Variants in TBC1D5 observed in about 807,000 individuals in gnomAD.
TBC1D5 encodes TBC1 domain family, member 5.
A neutral mutation model predicts 100.3 loss-of-function variants in TBC1D5; 75 were observed. The ratio of observed to expected loss-of-function variants is 0.75; its 90% CI spans 0.62 to 0.91. The LOEUF is 0.91. TBC1D5 is among the 40% of genes least tolerant of loss of function. TBC1D5 has a pLI of 0.00. For synonymous variants in TBC1D5, 323 were observed against 325.6 expected (o/e 0.99, Z 0.09); for missense variants, 910 against 942.4 (o/e 0.97, Z 0.45).
chr3:17,443,047 A>G (rs547317925), intron 3 of TBC1D5, among the ~76,000 whole-genome samples: 9 of 152,232 alleles, frequency 5.9e-5, no homozygotes, highest in Non-Finnish European at 1.3e-4. Flanking sequence ...TTCAAGACAC[A>G]GTCTAAAATT....
intron 13 of TBC1D5, among the ~76,000 whole-genome samples, chr3:17,310,978 T>C (rs937897512): frequency 2.6e-5 from 4 of 151,954 alleles, no homozygotes; most frequent in Non-Finnish European, 4.4e-5. Context: ...ACACACAAAT[T>C]TCCTGTGCTA....
At chr3:17,603,693 T>C (rs1234184655) in intron 2 of TBC1D5, among the ~76,000 whole-genome samples, 1 of 152,142 alleles carries the variant, frequency 6.6e-6, no homozygotes, top group African/African-American at 2.4e-5. Flanking sequence ...AGGGACCAAG[T>C]CTTGCTTTGT....
At chr3:17,620,562 G>T (rs2062577098) in intron 2 of TBC1D5, among the ~76,000 whole-genome samples, 1 of 152,086 alleles carries the variant, frequency 6.6e-6, no homozygotes. Flanking sequence ...GAACATATAT[G>T]CTACTTTTTA....
At chr3:17,274,568 G>A (rs967706786) in intron 15 of TBC1D5, among the ~76,000 whole-genome samples, 2 of 152,144 alleles carry the variant, frequency 1.3e-5, no homozygotes, top group Non-Finnish European at 2.9e-5. Flanking sequence ...CTGGAAAGAT[G>A]AGGGTTTACC....
chr3:17,736,605 A>C (rs2076982344), intron 1 of TBC1D5, among the ~76,000 whole-genome samples: 1 of 152,192 alleles, frequency 6.6e-6, no homozygotes, highest in African/African-American at 2.4e-5. Context: ...GATCCAAGGC[A>C]ATCAATCCAC....
intron 19 of TBC1D5, among the ~76,000 whole-genome samples, chr3:17,169,510 T>C (rs2066962567): frequency 6.6e-6 from 1 of 152,220 alleles, no homozygotes; most frequent in Non-Finnish European, 1.5e-5. Flanking sequence ...TTACATACTG[T>C]AGCAGAAAAG....
rs138129410 is a variant in TBC1D5, at chr3:17,311,551, C to A, written c.996-3417G>T. ...GTGTTATTGCTTGGTGACTGACCCACGGAAACACCAAGAGAAATTCATTTT... is the reference window on the plus strand; with the variant it reads ...GTGTTATTGCTTGGTGACTGACCCAAGGAAACACCAAGAGAAATTCATTTT... On this transcript the variant is annotated intron_variant, in intron 13 of 21. Transcript: ENST00000253692. Among the ~76,000 whole-genome samples the A allele has an allele frequency of 9.8e-3, 1,491 of 152,050 alleles. 26 individuals carry two copies. Among genetic ancestry groups the A allele is most frequent in the African/African-American group, 0.034 (1,396 of 41,500 alleles).
chr3:17,579,816 T>G (rs1023285730), intron 2 of TBC1D5, among the ~76,000 whole-genome samples: 2 of 152,134 alleles, frequency 1.3e-5, no homozygotes. Flanking sequence ...ACTACTGTTA[T>G]CACTACAGAG....
At chr3:17,724,047 C>T (rs1176348411) in intron 1 of TBC1D5, among the ~76,000 whole-genome samples, 3 of 149,708 alleles carry the variant, frequency 2.0e-5, no homozygotes, top group African/African-American at 4.9e-5. Flanking sequence ...AATATATTTT[C>T]ATCAGGTATA....
intron 9 of TBC1D5, among the ~76,000 whole-genome samples, chr3:17,382,837 T>C (rs978954106): frequency 2.0e-5 from 3 of 152,052 alleles, no homozygotes; most frequent in Non-Finnish European, 4.4e-5. Context: ...GCTGGGATTA[T>C]AGGTGTAAGC....
chr3:17,374,056 T>G (rs945028137), intron 12 of TBC1D5, among the ~76,000 whole-genome samples: 6 of 151,528 alleles, frequency 4.0e-5, no homozygotes, highest in South Asian at 2.1e-4. Flanking sequence ...AGAGGAAGAG[T>G]AAGAGTAAGG....
chr3:17,349,779 G>A (rs554825238), intron 13 of TBC1D5, among the ~76,000 whole-genome samples: 14 of 152,122 alleles, frequency 9.2e-5, no homozygotes, highest in African/African-American at 2.7e-4. Flanking sequence ...TGAGTTAATC[G>A]CACCAAGAGA....
intron 2 of TBC1D5, among the ~76,000 whole-genome samples, chr3:17,510,542 C>T (rs2095892644): frequency 1.3e-5 from 2 of 151,976 alleles, no homozygotes; most frequent in Non-Finnish European, 2.9e-5. Context: ...TAAGCATATA[C>T]TGAGCACTGC....
chr3:17,687,285 G>A (rs530984053), intron 1 of TBC1D5, among the ~76,000 whole-genome samples: 86 of 152,136 alleles, frequency 5.7e-4, no homozygotes, highest in African/African-American at 1.2e-3. Context: ...AAGTTAATAT[G>A]AGAGCATTAA....
chr3:17,395,414 G>A (rs1376941056), intron 8 of TBC1D5, among the ~76,000 whole-genome samples: 1 of 151,758 alleles, frequency 6.6e-6, no homozygotes, highest in South Asian at 2.1e-4. Context: ...CAATAATTAA[G>A]AAAAAAATTA....
chr3:17,683,689 C>T (rs1321397462), intron 1 of TBC1D5, among the ~76,000 whole-genome samples: 2 of 152,102 alleles, frequency 1.3e-5, no homozygotes, highest in South Asian at 2.1e-4. Flanking sequence ...AGTCCTAATG[C>T]GAGCCCCACC....
intron 20 of TBC1D5, 120 bp from the exon 22 acceptor site, chr3:17,167,048 A>G: frequency 3.1e-6 from 3 of 969,140 alleles, no homozygotes; most frequent in Non-Finnish European, 4.3e-6. Context: ...TAGTATGAAT[A>G]TTAATATTTT....
intron 2 of TBC1D5, among the ~76,000 whole-genome samples, chr3:17,518,220 C>G (rs547394191): frequency 1.3e-5 from 2 of 152,090 alleles, no homozygotes; most frequent in Non-Finnish European, 2.9e-5. Context: ...TGCCTGAAAC[C>G]CACAGCCCAA....
chr3:17,258,601 A>C lies in TBC1D5; in HGVS notation c.1246-10T>G, dbSNP rs767894018. ...CTGGTCTTGGATTTCTCTAAAAAAA[A>C]ATACATTTTTAAAAAGCTAGTTAAA... On this transcript the variant is annotated splice_polypyrimidine_tract_variant and intron_variant, in intron 15 of 21. Coordinates refer to ENST00000253692, the Ensembl canonical transcript of TBC1D5. 4 of 1,606,958 alleles carry C rather than the reference A, an allele frequency of 2.5e-6. No homozygotes were observed. The highest frequency in any genetic ancestry group is 2.6e-6 in the Non-Finnish European group (3 of 1,175,192).
Sources: allele counts gnomAD v4.1 joint callset (sites outside exome capture counted in the v4.1 genomes callset), GRCh38; gene constraint gnomAD v4.1.1; transcripts MANE v1.5; gene names NCBI Gene and HGNC (gene_info 2026-07-23, HGNC 2026-07-21).